TBC1D5: variants seen among roughly 807,000 people sequenced by gnomAD.
TBC1D5 encodes TBC1 domain family member 5.
TBC1D5 carries 75 observed loss-of-function variants against 100.3 expected under a neutral mutation model. That is an observed-to-expected ratio of 0.75 (90% CI 0.62 to 0.91). The LOEUF is 0.91. Ranked by LOEUF, TBC1D5 falls within the 40% of genes least tolerant of loss-of-function variation. The pLI is 0.00. For synonymous variants in TBC1D5, 323 were observed against 325.6 expected (o/e 0.99, Z 0.09); for missense variants, 910 against 942.4 (o/e 0.97, Z 0.45).
At chr3:17,408,490 C>A (rs139587066) in intron 4 of TBC1D5, among the ~76,000 whole-genome samples, 142 of 152,058 alleles carry the variant, frequency 9.3e-4, no homozygotes, top group Middle Eastern at 3.4e-3. Context: ...CACCTGGCTA[C>A]TTTTGTAACT....
At chr3:17,187,353 A>G (rs1232384245) in intron 18 of TBC1D5, among the ~76,000 whole-genome samples, 1 of 152,238 alleles carries the variant, frequency 6.6e-6, no homozygotes, top group Non-Finnish European at 1.5e-5. Context: ...ACCATGCTGT[A>G]AAGAAGTTTA....
chr3:17,430,700 T>G (rs999588748), intron 3 of TBC1D5, among the ~76,000 whole-genome samples: 1 of 151,926 alleles, frequency 6.6e-6, no homozygotes, highest in African/African-American at 2.4e-5. Context: ...CAAATGTTTA[T>G]GAAAACATCT....
chr3:17,425,860 T>C (rs931284752), intron 4 of TBC1D5, among the ~76,000 whole-genome samples: 4 of 152,176 alleles, frequency 2.6e-5, no homozygotes, highest in African/African-American at 9.7e-5. Flanking sequence ...ATTAATACTA[T>C]GACTTCCCAT....
chr3:17,515,932 T>C (rs376888202), intron 2 of TBC1D5, among the ~76,000 whole-genome samples: 1 of 152,188 alleles, frequency 6.6e-6, no homozygotes, highest in African/African-American at 2.4e-5. Context: ...GCCAAAACTG[T>C]AGTTGGGGAT....
chr3:17,655,611 C>T (rs1462222944), intron 1 of TBC1D5, among the ~76,000 whole-genome samples: 4 of 152,026 alleles, frequency 2.6e-5, no homozygotes, highest in Non-Finnish European at 1.5e-5. Flanking sequence ...CTTCATTAAA[C>T]CTGCAATAGG....
At chr3:17,385,777 G>A (rs889642381) in intron 8 of TBC1D5, among the ~76,000 whole-genome samples, 6 of 151,668 alleles carry the variant, frequency 4.0e-5, no homozygotes, top group Admixed American at 1.3e-4. Context: ...GAGCAAGGTC[G>A]CTTCACATAT....
intron 2 of TBC1D5, among the ~76,000 whole-genome samples, chr3:17,535,524 T>C (rs2096273306): frequency 6.6e-6 from 1 of 152,210 alleles, no homozygotes; most frequent in Admixed American, 6.5e-5. Flanking sequence ...GGCCTGTCAA[T>C]GTTTCCATTA....
chr3:17,401,330 T>C lies in TBC1D5; in HGVS notation c.509+1851A>G, dbSNP rs959361093. On this transcript the variant is annotated intron_variant, in intron 8 of 21. Coordinates refer to ENST00000253692, the Ensembl canonical transcript of TBC1D5. ...CACATATATATGTATGTGTATAATA[T>C]ACATATATGTATAATATACATATAT... Among the ~76,000 whole-genome samples, 59 of 12,180 alleles carry C rather than the reference T, an allele frequency of 4.8e-3. 1 individual carries two copies. Among genetic ancestry groups the C allele is most frequent in the Non-Finnish European group, 6.5e-3 (50 of 7,702 alleles). The allele number at this position is 12,180 out of a possible 152,430, so 8.0% of individuals were successfully genotyped here. A position where few individuals can be genotyped will look rare whatever the true frequency, so the allele number is the denominator to read the frequency against.
At chr3:17,265,650 T>C (rs2149553880) in intron 15 of TBC1D5, among the ~76,000 whole-genome samples, 1 of 152,292 alleles carries the variant, frequency 6.6e-6, no homozygotes, top group Non-Finnish European at 1.5e-5. Flanking sequence ...AAACATATGT[T>C]GCAGGTGTTT....
chr3:17,514,292 G>A (rs776018517), intron 2 of TBC1D5, among the ~76,000 whole-genome samples: 22 of 152,090 alleles, frequency 1.4e-4, no homozygotes, highest in Non-Finnish European at 2.4e-4. Context: ...CAAGATAAGT[G>A]CATTTACAGT....
chr3:17,485,064 T>A (rs2095545660), intron 3 of TBC1D5, among the ~76,000 whole-genome samples: 1 of 152,128 alleles, frequency 6.6e-6, no homozygotes, highest in Admixed American at 6.5e-5. Flanking sequence ...TGAGCAATTT[T>A]GAACTATGAT....
At chr3:17,726,044 T>C (rs955289876) in intron 1 of TBC1D5, among the ~76,000 whole-genome samples, 1 of 152,194 alleles carries the variant, frequency 6.6e-6, no homozygotes, top group Non-Finnish European at 1.5e-5. Context: ...ACGGACATGA[T>C]GTCATTCTTT....
At chr3:17,283,564 G>A (rs2080832532) in intron 15 of TBC1D5, among the ~76,000 whole-genome samples, 1 of 151,942 alleles carries the variant, frequency 6.6e-6, no homozygotes, top group African/African-American at 2.4e-5. Flanking sequence ...TAACTTATTG[G>A]CCTGACCATG....
intron 1 of TBC1D5, among the ~76,000 whole-genome samples, chr3:17,727,306 G>A (rs527805820): frequency 2.2e-4 from 34 of 152,266 alleles, no homozygotes; most frequent in Admixed American, 1.3e-3. Flanking sequence ...GCTTGATCCC[G>A]GGAGGCAGAG....
intron 2 of TBC1D5, among the ~76,000 whole-genome samples, chr3:17,529,218 G>A (rs112384416): frequency 2.8e-4 from 43 of 152,114 alleles, no homozygotes; most frequent in South Asian, 2.1e-4. Context: ...TGGCTCAGTC[G>A]CTACTGTCCC....
chr3:17,508,546 T>C, exon 3 of TBC1D5: 1 of 1,613,602 alleles, frequency 6.2e-7, no homozygotes, highest in Non-Finnish European at 8.5e-7. Flanking sequence ...AGAGGATGTC[T>C]AGTTTCAGAT....
intron 17 of TBC1D5, among the ~76,000 whole-genome samples, chr3:17,216,233 C>T (rs2073615667): frequency 6.6e-6 from 1 of 152,006 alleles, no homozygotes; most frequent in Non-Finnish European, 1.5e-5. Context: ...CAGGATCTGC[C>T]TCAGGTTTTG....
At chr3:17,478,530 T>A (rs1212350735) in intron 3 of TBC1D5, among the ~76,000 whole-genome samples, 2 of 152,224 alleles carry the variant, frequency 1.3e-5, no homozygotes, top group Non-Finnish European at 2.9e-5. Flanking sequence ...TGGTGTTAAA[T>A]GTATTCCTAA....
chr3:17,378,330 C>G (rs919884698), intron 9 of TBC1D5, among the ~76,000 whole-genome samples: 2 of 151,730 alleles, frequency 1.3e-5, no homozygotes, highest in South Asian at 4.1e-4. Flanking sequence ...TAAGCTGTCT[C>G]CAGAAAGAAT....
Sources: allele counts gnomAD v4.1 joint callset (sites outside exome capture counted in the v4.1 genomes callset), GRCh38; gene constraint gnomAD v4.1.1; transcripts MANE v1.5; gene names NCBI Gene and HGNC (gene_info 2026-07-23, HGNC 2026-07-21).